FNBP1: variants seen among roughly 807,000 people sequenced by gnomAD.
FNBP1 encodes the protein formin binding protein 1.
FNBP1 carries 26 observed loss-of-function variants against 90.6 expected under a neutral mutation model. That is an observed-to-expected ratio of 0.29 (90% CI 0.21 to 0.40). The LOEUF is 0.40. Among genes scored for constraint, FNBP1 ranks in the 10% least tolerant of loss-of-function variants. The pLI is 1.00. For missense variants in FNBP1, 635 were observed against 768.0 expected, an observed-to-expected ratio of 0.83 and a Z score of 2.05; for synonymous variants, 260 against 265.2, an observed-to-expected ratio of 0.98 and a Z score of 0.19.
chr9:130,052,776 A>G, the FNBP1 span, among the ~76,000 whole-genome samples: 2 of 151,954 alleles, frequency 1.3e-5, no homozygotes, highest in African/African-American at 4.8e-5. Context: ...CAAATTTAAA[A>G]CCAGAGATTT....
chr9:130,007,370 G>A (rs1001252034), intron 1 of FNBP1, among the ~76,000 whole-genome samples: 6 of 151,826 alleles, frequency 4.0e-5, no homozygotes, highest in African/African-American at 1.5e-4. Context: ...GTTGTTGGAT[G>A]TGCAACAAAT....
chr9:129,960,578 TGGC>T (rs1158671173), intron 4 of FNBP1, among the ~76,000 whole-genome samples: 2 of 152,016 alleles, frequency 1.3e-5, no homozygotes, highest in African/African-American at 4.8e-5. Flanking sequence ...GGTGTTAACC[TGGC>T]GGCCAGATCT....
At chr9:129,947,701 C>A (rs1019366435) in intron 6 of FNBP1, among the ~76,000 whole-genome samples, 1 of 151,350 alleles carries the variant, frequency 6.6e-6, no homozygotes, top group Non-Finnish European at 1.5e-5. Context: ...CGGCTCACTG[C>A]AACCTCTGCC....
intron 16 of FNBP1, among the ~76,000 whole-genome samples, chr9:129,894,853 A>G (rs921826586): frequency 6.6e-6 from 1 of 152,202 alleles, no homozygotes; most frequent in Non-Finnish European, 1.5e-5. Flanking sequence ...TGAGGTCAGG[A>G]GTTTGAGACC....
chr9:129,903,105 T>C, intron 12 of FNBP1, 104 bp from the exon 13 acceptor site: 1 of 1,115,774 alleles, frequency 9.0e-7, no homozygotes, highest in Non-Finnish European at 1.3e-6. Context: ...CGATCTCGGC[T>C]CACTGCAACG....
At chr9:130,018,385 A>T (rs1353981692) in intron 1 of FNBP1, among the ~76,000 whole-genome samples, 2 of 152,140 alleles carry the variant, frequency 1.3e-5, no homozygotes, top group Non-Finnish European at 2.9e-5. Flanking sequence ...AAACTAACAT[A>T]GCAGTGAAGT....
At chr9:130,022,247 C>T (rs1398549583) in intron 1 of FNBP1, among the ~76,000 whole-genome samples, 1 of 151,926 alleles carries the variant, frequency 6.6e-6, no homozygotes, top group Non-Finnish European at 1.5e-5. Flanking sequence ...ACTCTATCAC[C>T]AGGCTGGAGT....
At position 129,975,154 on chromosome 9, in the gene FNBP1, G is replaced by A. The variant is rs570235187; in HGVS notation, c.345+3311C>T. Among the ~76,000 whole-genome samples the A allele has an allele frequency of 2.0e-5, 3 of 152,246 alleles. No individual in the cohort carries two copies. In the South Asian group the frequency reaches 6.2e-4, roughly 32 times the overall value. Reference sequence around the variant, plus strand: ...GAATCACTGGAACCCAGAAGGCGGAGGCTGCAGTAAGCCGAGTTTGTGCAA... The same window carrying A: ...GAATCACTGGAACCCAGAAGGCGGAAGCTGCAGTAAGCCGAGTTTGTGCAA... On this transcript the variant is annotated intron_variant, in intron 4 of 16. Transcript: ENST00000446176.
chr9:129,995,564 C>A lies in FNBP1; in HGVS notation c.25-606G>T, dbSNP rs74532509. 6.4e-3 allele frequency among the ~76,000 whole-genome samples: 971 copies of A among 152,180 alleles called. 3 individuals carry two copies. The highest frequency in any genetic ancestry group is 0.014 in the East Asian group (74 of 5,192). ...TCTGGTCTGGAAGAACAAGAGGGAG[C>A]CTGGGTAACACAGAACCCATCTCTA... On this transcript the variant is annotated intron_variant, in intron 1 of 16. Coordinates refer to ENST00000446176, the MANE Select transcript of FNBP1 (RefSeq NM_015033.3).
chr9:129,929,462 G>T (rs2132033517), intron 7 of FNBP1, 105 bp downstream of exon 7: 199 of 520,572 alleles, frequency 3.8e-4, no homozygotes, highest in Non-Finnish European at 5.8e-4. Flanking sequence ...ATTATATAAA[G>T]ACTCAGACTC....
intron 1 of FNBP1, among the ~76,000 whole-genome samples, chr9:130,014,624 T>C (rs771412883): frequency 1.3e-5 from 2 of 152,180 alleles, no homozygotes; most frequent in Non-Finnish European, 2.9e-5. Context: ...TACATATTAT[T>C]CTATACATAC....
chr9:129,983,039 C>A (rs2051533932), intron 2 of FNBP1, among the ~76,000 whole-genome samples: 1 of 152,206 alleles, frequency 6.6e-6, no homozygotes, highest in South Asian at 2.1e-4. Flanking sequence ...CTTCTAAATT[C>A]ACACCTCATA....
At chr9:129,931,491 AGCTACTCGGGAGGCT>A (rs1290711128) in intron 6 of FNBP1, among the ~76,000 whole-genome samples, 12 of 151,998 alleles carry the variant, frequency 7.9e-5, no homozygotes, top group Non-Finnish European at 1.6e-4. Context: ...CTGTAGTCCC[AGCTACTCGGGAGGCT>A]GAGGCACGAG....
chr9:130,013,871 G>C (rs2056921289), intron 1 of FNBP1: 4 of 431,216 alleles, frequency 9.3e-6, no homozygotes, highest in South Asian at 6.7e-5. Context: ...TTGCTCTCTT[G>C]CCCTAAGTGG....
chr9:129,969,874 G>A (rs943735522), intron 4 of FNBP1, among the ~76,000 whole-genome samples: 1 of 147,856 alleles, frequency 6.8e-6, no homozygotes, highest in Non-Finnish European at 1.5e-5. Flanking sequence ...GCTATAGTAG[G>A]ATTAATATTC....
At chr9:129,891,931 CTAA>C (rs995320012) in intron 16 of FNBP1, among the ~76,000 whole-genome samples, 1 of 152,124 alleles carries the variant, frequency 6.6e-6, no homozygotes, top group Admixed American at 6.6e-5. Context: ...GAGGGTACAA[CTAA>C]AAGATGCCAG....
intron 1 of FNBP1, 97 bp from the exon 2 acceptor site, chr9:129,995,055 G>T: frequency 1.4e-6 from 1 of 693,356 alleles, no homozygotes; most frequent in South Asian, 1.7e-5. Flanking sequence ...TACATACAAA[G>T]TAGTACTAAT....
intron 6 of FNBP1, among the ~76,000 whole-genome samples, chr9:129,956,069 C>T (rs191754844): frequency 1.7e-3 from 253 of 152,244 alleles, no homozygotes; most frequent in African/African-American, 5.9e-3. Flanking sequence ...GATGGGGTCT[C>T]GTTATGTTGC....
chr9:129,939,721 T>TG (rs2044046009), intron 6 of FNBP1, among the ~76,000 whole-genome samples: 1 of 152,070 alleles, frequency 6.6e-6, no homozygotes, highest in Non-Finnish European at 1.5e-5. Flanking sequence ...AAAACCTCAC[T>TG]GGGGGGATAC....
Sources: allele counts gnomAD v4.1 joint callset (sites outside exome capture counted in the v4.1 genomes callset), GRCh38; gene constraint gnomAD v4.1.1; transcripts MANE v1.5; gene names NCBI Gene and HGNC (gene_info 2026-07-23, HGNC 2026-07-21).